The following ANO7 variants were observed in gnomAD, a reference collection of about 807,000 sequenced individuals.
ANO7 encodes anoctamin-7.
ANO7 carries 114 observed loss-of-function variants against 115.8 expected under a neutral mutation model. That is an observed-to-expected ratio of 0.98 (90% CI 0.85 to 1.15). ANO7 has a LOEUF of 1.15. ANO7 is among the 50% of genes most tolerant of loss of function. The probability of loss-of-function intolerance (pLI) is 0.00; values close to 1 mark genes in which losing one functional copy is unlikely to be tolerated. For synonymous variants in ANO7, 550 were observed against 498.2 expected, an observed-to-expected ratio of 1.10 and a Z score of -1.38; for missense variants, 1,302 against 1,201.2, an observed-to-expected ratio of 1.08 and a Z score of -1.24.
rs2068789164 is a variant in ANO7 at position 241,214,817 on chromosome 2, G to C, written c.1741G>C (p.Gly581Arg). ...CCTGCTGCCGTAGTGCGCGGCTGGA[G>C]GCTGCCTGATCGAGCTGGCACAGGA... ...GVRNEECAAG[G>R]CLIELAQELL... Residue 581 changes from glycine to arginine, a missense_variant, in exon 18 of 25, where the codon GGC (glycine) becomes CGC (arginine). By Grantham distance (125) the Gly-to-Arg change is moderately radical. Coordinates refer to ENST00000674324, the MANE Select transcript of ANO7 (RefSeq NM_001370694.2). 6.2e-7 allele frequency: 1 copy of C among 1,612,016 alleles called. No homozygotes were observed. Among genetic ancestry groups the C allele is most frequent in the South Asian group, 1.1e-5 (1 of 91,080 alleles).
chr2:241,207,779 C>T, intron 11 of ANO7, 109 bp downstream of exon 11: 1 of 1,033,692 alleles, frequency 9.7e-7, no homozygotes, highest in Non-Finnish European at 1.5e-6. Context: ...TCCTGCTTGT[C>T]ACCAGCTAAA....
chr2:241,230,351 A>G, downstream of ANO7: 1 of 890,998 alleles, frequency 1.1e-6, no homozygotes, highest in Non-Finnish European at 1.8e-6. The surrounding 1 kb of genome is among the most constrained non-coding windows in gnomAD (Gnocchi z 5.0). Context: ...CTAGTGAAGC[A>G]TTTTCTGAGT....
chr2:241,194,324 T>C (rs1369912550), intron 3 of ANO7, among the ~76,000 whole-genome samples: 3 of 150,112 alleles, frequency 2.0e-5, no homozygotes, highest in Non-Finnish European at 4.4e-5. Context: ...TTTTTTTTTT[T>C]GAGATGGAGT....
At chr2:241,221,471 T>G (rs1448595491) in intron 21 of ANO7, among the ~76,000 whole-genome samples, 1 of 151,532 alleles carries the variant, frequency 6.6e-6, no homozygotes, top group Non-Finnish European at 1.5e-5. Flanking sequence ...CCCCGCCTCC[T>G]GGGTTCTTGT....
rs116318626 is a variant in ANO7 at position 241,212,411 on chromosome 2, G to A, written c.1674-161G>A. On this transcript the variant is annotated intron_variant, in intron 16 of 24. Transcript: ENST00000674324. ...CCACCTCTTGGTCCCTACCCAGCTC[G>A]GGGGTCCACAGGAGGCCCAGCTCAC... Among the ~76,000 whole-genome samples, 421 of 152,316 alleles carry A rather than the reference G, an allele frequency of 2.8e-3. 2 individuals carry two copies. Among genetic ancestry groups the A allele is most frequent in the Non-Finnish European group, 4.6e-3 (310 of 68,012 alleles).
chr2:241,237,515 A>C, the ANO7 span, among the ~76,000 whole-genome samples: 1 of 152,152 alleles, frequency 6.6e-6, no homozygotes, highest in African/African-American at 2.4e-5. Context: ...CCTGCCTGAA[A>C]TCAAGGGTGA....
intron 21 of ANO7, among the ~76,000 whole-genome samples, chr2:241,221,001 A>C (rs1035797203): frequency 6.6e-6 from 1 of 151,920 alleles, no homozygotes; most frequent in African/African-American, 2.4e-5. Context: ...AGAAAAAAGC[A>C]CTACCTTTAC....
rs2069088527 is a variant in ANO7 at position 241,223,889 on chromosome 2, C to A, written c.2533-16C>A. The A allele has an allele frequency of 6.2e-7, 1 of 1,614,116 alleles. No individual in the cohort carries two copies. The highest frequency in any genetic ancestry group is 2.2e-5 in the East Asian group (1 of 44,884). On this transcript the variant is annotated splice_polypyrimidine_tract_variant and intron_variant, in intron 23 of 24. Coordinates refer to ENST00000674324, the MANE Select transcript of ANO7 (RefSeq NM_001370694.2). ...GTCACATCCCTCTTCCTCTTGCTGCCCTTTTTTGGGGACAGGTTCTTTTTG... is the reference window on the plus strand; with the variant it reads ...GTCACATCCCTCTTCCTCTTGCTGCACTTTTTTGGGGACAGGTTCTTTTTG...
At chr2:241,239,881 C>T in the ANO7 span, 3 of 1,612,548 alleles carry the variant, frequency 1.9e-6, no homozygotes, top group Non-Finnish European at 2.5e-6. The surrounding 1 kb of genome is among the most constrained non-coding windows in gnomAD (Gnocchi z 4.6). Context: ...CAGAGTCGGC[C>T]GCCGAGGCCC....
intron 19 of ANO7, 48 bp downstream of exon 19, chr2:241,216,286 G>T (rs999881663): frequency 4.6e-6 from 7 of 1,508,446 alleles, no homozygotes; most frequent in Non-Finnish European, 6.2e-6. Context: ...CGTGGGCAGG[G>T]ATGGGTGGCC....
Position 241,224,143 on chromosome 2 carries a change from T to C in ANO7, c.2630T>C (p.Leu877Pro), listed in dbSNP as rs181722382. ...TPFTVPKASQ[L>P]QQ ...TTCACGGTTCCCAAGGCCAGCCAGCTGCAGCAGTGACGCCTGGAAGGACAT... is the reference window on the plus strand; with the variant it reads ...TTCACGGTTCCCAAGGCCAGCCAGCCGCAGCAGTGACGCCTGGAAGGACAT... Residue 877 changes from leucine (L) to proline (P), a missense_variant, in exon 25 of 25, where the codon CTG becomes CCG. Physicochemically the swap from Leu to Pro is moderately conservative, Grantham distance 98. Transcript: ENST00000674324. The C allele has an allele frequency of 5.4e-4, 861 of 1,599,722 alleles. 4 individuals are homozygous for C. The highest frequency in any genetic ancestry group is 9.5e-4 in the Admixed American group (57 of 59,854).
chr2:241,199,692 G>A (rs2068424886), intron 5 of ANO7, among the ~76,000 whole-genome samples: 1 of 152,228 alleles, frequency 6.6e-6, no homozygotes, highest in Non-Finnish European at 1.5e-5. Flanking sequence ...CCCCCGCCAG[G>A]CCACCTGCTG....
intron 19 of ANO7, 82 bp downstream of exon 19, chr2:241,216,320 C>G: frequency 6.9e-7 from 1 of 1,442,850 alleles, no homozygotes; most frequent in Non-Finnish European, 9.2e-7. Context: ...GCCTCCCAGC[C>G]TGACATTCCT....
intron 7 of ANO7, among the ~76,000 whole-genome samples, chr2:241,201,788 C>G (rs1175382932): frequency 1.3e-5 from 2 of 152,098 alleles, no homozygotes; most frequent in African/African-American, 4.8e-5. Context: ...CACCACAGGG[C>G]ACACAGTCAC....
At chr2:241,230,596 G>A (rs1415786605), downstream of ANO7, among the ~76,000 whole-genome samples, 4 of 152,212 alleles carry the variant, frequency 2.6e-5, no homozygotes, top group African/African-American at 2.4e-5. The surrounding 1 kb of genome is among the most constrained non-coding windows in gnomAD (Gnocchi z 5.0). Context: ...ACAGGCCGTC[G>A]CCTGCACTGA....
At chr2:241,200,313 G>C in intron 6 of ANO7, 88 bp downstream of exon 6, 1 of 1,516,012 alleles carries the variant, frequency 6.6e-7, no homozygotes, top group Non-Finnish European at 8.9e-7. Context: ...GCTTCCCCAG[G>C]ACTCTCCTCA....
intron 1 of ANO7, among the ~76,000 whole-genome samples, chr2:241,189,839 C>T (rs2068148074): frequency 6.6e-6 from 1 of 152,176 alleles, no homozygotes; most frequent in Non-Finnish European, 1.5e-5. Context: ...CTGCCAGACG[C>T]TCCCGCCCCG....
intron 15 of ANO7, among the ~76,000 whole-genome samples, chr2:241,210,948 G>A (rs1228643251): frequency 6.6e-6 from 1 of 152,150 alleles, no homozygotes; most frequent in Non-Finnish European, 1.5e-5. Flanking sequence ...GGGATTACAG[G>A]CATGAGCCAC....
intron 3 of ANO7, among the ~76,000 whole-genome samples, chr2:241,192,053 TG>T (rs2068219138): frequency 6.6e-6 from 1 of 152,228 alleles, no homozygotes; most frequent in East Asian, 1.9e-4. Context: ...TACCACAGCC[TG>T]GGCCAGGCAC....
Sources: gnomAD v4.1 joint callset for allele counts (sites outside exome capture counted in the v4.1 genomes callset) on GRCh38, gnomAD v4.1.1 for gene constraint, Gnocchi (gnomAD v3.1) non-coding constraint, MANE v1.5 for transcripts, NCBI Gene and HGNC (gene_info 2026-07-23, HGNC 2026-07-21) for gene names.